The following MEGF11 variants were observed in gnomAD, a reference collection of about 807,000 sequenced individuals.
The protein encoded by MEGF11 is multiple EGF like domains 11, also known as multiple epidermal growth factor-like domains protein 11.
In MEGF11, 126 loss-of-function variants were observed where a neutral mutation model predicts 146.6. The observed-to-expected ratio is 0.86, with a 90% CI of 0.74 to 1.00. The LOEUF (loss-of-function observed/expected upper bound fraction) is 1.00. MEGF11 is among the 50% of genes least tolerant of loss of function. MEGF11 has a pLI of 0.00. For missense variants in MEGF11, 1,509 were observed against 1,521.2 expected (o/e 0.99, Z 0.13); for synonymous variants, 532 against 583.4 (o/e 0.91, Z 1.27).
intron 5 of MEGF11, among the ~76,000 whole-genome samples, chr15:66,067,690 G>A (rs2085192796): frequency 6.6e-6 from 1 of 152,178 alleles, no homozygotes; most frequent in Admixed American, 6.5e-5. Context: ...GCTCCCATAA[G>A]CACGCTAACA....
At chr15:66,104,362 T>C (rs1285277927) in intron 4 of MEGF11, among the ~76,000 whole-genome samples, 1 of 152,190 alleles carries the variant, frequency 6.6e-6, no homozygotes, top group Middle Eastern at 3.2e-3. Context: ...TAGGAAGAAA[T>C]GGCCCTGCCC....
chr15:66,213,011 G>T (rs933234495), intron 1 of MEGF11, among the ~76,000 whole-genome samples: 2 of 152,190 alleles, frequency 1.3e-5, no homozygotes, highest in Non-Finnish European at 2.9e-5. Context: ...GGGCCAAGAA[G>T]CTGTTTGGTG....
chr15:66,100,009 G>T (rs1390982443), intron 4 of MEGF11, among the ~76,000 whole-genome samples: 1 of 152,194 alleles, frequency 6.6e-6, no homozygotes, highest in Non-Finnish European at 1.5e-5. Flanking sequence ...GAAGAGGAGC[G>T]TGGAATGAAA....
At chr15:66,063,466 G>A (rs1006808366) in intron 5 of MEGF11, among the ~76,000 whole-genome samples, 1 of 152,164 alleles carries the variant, frequency 6.6e-6, no homozygotes, top group Non-Finnish European at 1.5e-5. Flanking sequence ...CCCTGGGGTG[G>A]CCTGGAAAGC....
At chr15:66,035,922 T>C (rs537029361) in intron 5 of MEGF11, among the ~76,000 whole-genome samples, 1 of 152,396 alleles carries the variant, frequency 6.6e-6, no homozygotes, top group Admixed American at 6.5e-5. Flanking sequence ...GCTGATGGCT[T>C]GTGTCCTCTG....
At chr15:66,045,102 A>T (rs1205860525) in intron 5 of MEGF11, among the ~76,000 whole-genome samples, 1 of 152,196 alleles carries the variant, frequency 6.6e-6, no homozygotes, top group African/African-American at 2.4e-5. Flanking sequence ...GCCTTAAAAT[A>T]ACAAAAATGT....
intron 5 of MEGF11, among the ~76,000 whole-genome samples, chr15:65,986,290 G>A: frequency 6.6e-6 from 1 of 152,112 alleles, no homozygotes; most frequent in East Asian, 1.9e-4. Context: ...CAAGAGCTCT[G>A]TGTCATAGTA....
intron 1 of MEGF11, among the ~76,000 whole-genome samples, chr15:66,212,445 G>C (rs2091484747): frequency 6.6e-6 from 1 of 152,054 alleles, no homozygotes; most frequent in African/African-American, 2.4e-5. Context: ...TGCCCTCCCT[G>C]GCCCTACCCT....
intron 1 of MEGF11, among the ~76,000 whole-genome samples, chr15:66,155,788 T>G (rs1454512244): frequency 6.6e-6 from 1 of 152,206 alleles, no homozygotes; most frequent in East Asian, 1.9e-4. Flanking sequence ...ACCTTGAAGG[T>G]GGAGCCCAAG....
chr15:65,996,229 A>C (rs2141803982), intron 5 of MEGF11, among the ~76,000 whole-genome samples: 1 of 152,192 alleles, frequency 6.6e-6, no homozygotes, highest in East Asian at 1.9e-4. Flanking sequence ...ACCTGGGGAA[A>C]TCCGTAGGGC....
rs77603851 is a variant in MEGF11 at position 65,974,386 on chromosome 15, G to A, written c.763-3697C>T. Among the ~76,000 whole-genome samples, 164 of 152,262 alleles carry A rather than the reference G, an allele frequency of 1.1e-3. 1 individual carries two copies. The East Asian group carries it at 0.029, about 27-fold the overall frequency. ...GAGAAGAGTCACTCAGGCCAGGTGC[G>A]GTGGCTCATGCCTGCAATCTCAGCA... On this transcript the variant is annotated intron_variant, in intron 7 of 25. Coordinates refer to ENST00000395614, the MANE Select transcript of MEGF11 (RefSeq NM_001385028.1).
At chr15:66,164,866 C>A (rs1322304736) in intron 1 of MEGF11, among the ~76,000 whole-genome samples, 1 of 152,244 alleles carries the variant, frequency 6.6e-6, no homozygotes. Context: ...AAACCCAGGT[C>A]CATCTGTTTG....
At chr15:65,933,735 G>A (rs1405294819) in intron 10 of MEGF11, among the ~76,000 whole-genome samples, 3 of 152,216 alleles carry the variant, frequency 2.0e-5, no homozygotes, top group African/African-American at 7.2e-5. Flanking sequence ...AAAGGCAGCA[G>A]GGGTGAGGGA....
At chr15:66,213,859 G>A (rs1567286389) in intron 1 of MEGF11, among the ~76,000 whole-genome samples, 1 of 152,048 alleles carries the variant, frequency 6.6e-6, no homozygotes, top group African/African-American at 2.4e-5. Flanking sequence ...AAGCTGAGAA[G>A]TGCCTCCACC....
At chr15:66,046,292 A>G (rs2084200115) in intron 5 of MEGF11, among the ~76,000 whole-genome samples, 1 of 152,112 alleles carries the variant, frequency 6.6e-6, no homozygotes, top group Non-Finnish European at 1.5e-5. Flanking sequence ...TACACCCAGG[A>G]TCCCAAATCG....
chr15:65,921,508 G>A (rs1341933700), intron 15 of MEGF11, among the ~76,000 whole-genome samples: 3 of 152,130 alleles, frequency 2.0e-5, no homozygotes, highest in South Asian at 4.1e-4. Flanking sequence ...TCAAGCTAAG[G>A]CCCAGCTGAA....
chr15:65,922,641 T>C (rs1294765824), intron 14 of MEGF11, among the ~76,000 whole-genome samples, 169 bp from the exon 15 acceptor site: 10 of 152,140 alleles, frequency 6.6e-5, no homozygotes, highest in African/African-American at 1.4e-4. Flanking sequence ...CCTGTTTCCA[T>C]TGAGTAGCTG....
chr15:65,902,340 G>T, intron 24 of MEGF11: 1 of 152,644 alleles, frequency 6.6e-6, no homozygotes. Context: ...GCTAAGCTCA[G>T]GGGGAAGTAT....
intron 21 of MEGF11, among the ~76,000 whole-genome samples, chr15:65,910,700 T>C (rs1260015214): frequency 6.6e-6 from 1 of 152,172 alleles, no homozygotes; most frequent in East Asian, 1.9e-4. Context: ...GTATAGTATC[T>C]ATATTACTAT....
Sources: allele counts gnomAD v4.1 joint callset (sites outside exome capture counted in the v4.1 genomes callset), GRCh38; gene constraint gnomAD v4.1.1; transcripts MANE v1.5; gene names NCBI Gene and HGNC (gene_info 2026-07-23, HGNC 2026-07-21).